Variants in DMXL2 observed in about 807,000 individuals in gnomAD.
DMXL2 encodes the protein Dmx like 2.
In DMXL2, 103 loss-of-function variants were observed where a neutral mutation model predicts 331.1. That is an observed-to-expected ratio of 0.31 (90% confidence interval 0.27 to 0.37). DMXL2 has a LOEUF of 0.37. Ranked by LOEUF, DMXL2 falls within the 10% of genes least tolerant of loss-of-function variation. The probability of loss-of-function intolerance (pLI) is 1.00; values close to 1 mark genes in which losing one functional copy is unlikely to be tolerated. For synonymous variants in DMXL2, 1,281 were observed against 1,252.1 expected (o/e 1.02, Z -0.49); for missense variants, 3,171 against 3,642.9 (o/e 0.87, Z 3.33).
intron 23 of DMXL2, 116 bp from the exon 24 acceptor site, chr15:51,481,739 C>A: frequency 1.1e-6 from 1 of 932,122 alleles, no homozygotes; most frequent in Non-Finnish European, 1.6e-6. Flanking sequence ...TATTAACCTA[C>A]GATAGGTTAC....
intron 1 of DMXL2, among the ~76,000 whole-genome samples, chr15:51,613,215 A>C (rs924673789): frequency 4.6e-5 from 7 of 152,252 alleles, no homozygotes; most frequent in Admixed American, 3.9e-4. Context: ...AAGAGATTAA[A>C]GTAAAGACAG....
At chr15:51,545,812 C>A in intron 7 of DMXL2, 46 bp from the exon 8 acceptor site, 1 of 1,489,752 alleles carries the variant, frequency 6.7e-7, no homozygotes, top group Admixed American at 2.0e-5. Context: ...AATATCAATC[C>A]CATTAACTAA....
chr15:51,520,998 G>A (rs1048556506), intron 13 of DMXL2, among the ~76,000 whole-genome samples: 1 of 152,062 alleles, frequency 6.6e-6, no homozygotes, highest in African/African-American at 2.4e-5. Flanking sequence ...CCTAATTAGT[G>A]ATTTTTAGCA....
chr15:51,497,957 C>A (rs2140478106), intron 18 of DMXL2, among the ~76,000 whole-genome samples: 1 of 152,190 alleles, frequency 6.6e-6, no homozygotes, highest in East Asian at 1.9e-4. Context: ...CTTGGCCAGT[C>A]CATGGTGACT....
chr15:51,459,025 A>T, intron 34 of DMXL2: 1 of 494,056 alleles, frequency 2.0e-6, no homozygotes, highest in Non-Finnish European at 3.6e-6. Context: ...TGTGATGGTA[A>T]GATACTGATT....
chr15:51,498,422 C>T lies in DMXL2; in HGVS notation c.4672+130G>A, dbSNP rs192159158. The T allele has an allele frequency of 4.6e-4, 367 of 801,212 alleles. No individual in the cohort carries two copies. The African/African-American group carries it at 6.1e-3, about 13-fold the overall frequency. The allele number at this position is 801,212 out of a possible 1,614,324, so 49.6% of individuals were successfully genotyped here. A position where few individuals can be genotyped will look rare whatever the true frequency, so the allele number is the denominator to read the frequency against. Reference sequence around the variant, plus strand: ...TGAGCATATTATATAATAGTAATTACCTATTAAGGAGGTCTTTTCCCTGCA... The same window carrying T: ...TGAGCATATTATATAATAGTAATTATCTATTAAGGAGGTCTTTTCCCTGCA... On this transcript the variant is annotated intron_variant, in intron 18 of 43. Coordinates refer to ENST00000560891, the MANE Select transcript of DMXL2 (RefSeq NM_001378457.1).
rs2038821597 is a variant in DMXL2, at chr15:51,447,940, G to A, written c.*1044C>T. On this transcript the variant is annotated 3_prime_UTR_variant, in exon 44 of 44. Coordinates refer to ENST00000560891, the MANE Select transcript of DMXL2 (RefSeq NM_001378457.1). ...ATTAACATGATAAGACAATTTGCTG[G>A]TAAACATTTAAACACACAGACATTA... 6.6e-6 allele frequency: 1 copy of A among 152,560 alleles called. No homozygotes were observed. The highest frequency in any genetic ancestry group is 1.5e-5 in the Non-Finnish European group (1 of 68,036). The allele number at this position is 152,560 out of a possible 1,614,324, so 9.5% of individuals were successfully genotyped here.
chr15:51,463,979 C>G (rs1347034097), intron 32 of DMXL2, among the ~76,000 whole-genome samples: 1 of 151,854 alleles, frequency 6.6e-6, no homozygotes, highest in Non-Finnish European at 1.5e-5. Context: ...CCTAGATTGG[C>G]AGGTAAAAGA....
At position 51,459,676 on chromosome 15, in the gene DMXL2, C is replaced by T; in HGVS notation, c.7927-16G>A. 1 of 1,289,448 alleles carries T rather than the reference C, an allele frequency of 7.8e-7. No homozygotes were observed. Among genetic ancestry groups the T allele is most frequent in the Non-Finnish European group, 1.0e-6 (1 of 988,602 alleles). The allele number at this position is 1,289,448 out of a possible 1,614,324, so 79.9% of individuals were successfully genotyped here. ...CTTCTATAGACTAAATACCACCACA[C>T]CGTCACAAACACAAAACACATGCAT... On this transcript the variant is annotated splice_polypyrimidine_tract_variant and intron_variant, in intron 33 of 43. Coordinates refer to ENST00000560891, the MANE Select transcript of DMXL2 (RefSeq NM_001378457.1).
At chr15:51,537,203 T>C (rs749924145) in intron 11 of DMXL2, among the ~76,000 whole-genome samples, 33 of 152,200 alleles carry the variant, frequency 2.2e-4, no homozygotes, top group Non-Finnish European at 2.9e-4. Context: ...ATTTTCAGGG[T>C]AGTTTCTTAA....
chr15:51,608,117 G>T (rs8023277), intron 1 of DMXL2, among the ~76,000 whole-genome samples: 2 of 151,922 alleles, frequency 1.3e-5, no homozygotes, highest in African/African-American at 4.8e-5. Context: ...CCTGGGAGGC[G>T]GAGGTTGCAG....
chr15:51,523,624 A>G (rs956883215), intron 13 of DMXL2, among the ~76,000 whole-genome samples: 6 of 152,174 alleles, frequency 3.9e-5, no homozygotes, highest in South Asian at 2.1e-4. Context: ...CAAAAAAAGG[A>G]TACGCAGAGA....
chr15:51,502,202 C>T (rs1016162856), intron 17 of DMXL2, among the ~76,000 whole-genome samples: 2 of 146,846 alleles, frequency 1.4e-5, no homozygotes, highest in Non-Finnish European at 3.0e-5. Context: ...CACTGCATTC[C>T]AGCCTGGGCG....
rs761564370 is a variant in DMXL2, at chr15:51,464,715, G to A, written c.7768C>T (p.Arg2590Ter). The change falls in exon 32 of 44, where the codon CGA becomes TGA. Residue 2590 changes from arginine (R) to a stop codon, truncating the protein, a stop_gained. Coordinates refer to ENST00000560891, the MANE Select transcript of DMXL2 (RefSeq NM_001378457.1). LOFTEE classifies it high-confidence loss of function. ...LSVGAGPAIL[R>*]NKAMLEPENT... Reference sequence around the variant, plus strand: ...TCAGGTTCTAGCATTGCTTTATTTCGAAGAATAGCTGGTCCAGCTCCCACT... The same window carrying A: ...TCAGGTTCTAGCATTGCTTTATTTCAAAGAATAGCTGGTCCAGCTCCCACT... 2.5e-6 allele frequency: 4 copies of A among 1,613,992 alleles called. No individual in the cohort carries two copies. The highest frequency in any genetic ancestry group is 2.5e-6 in the Non-Finnish European group (3 of 1,179,962).
chr15:51,508,695 A>G (rs2046565035), intron 15 of DMXL2, among the ~76,000 whole-genome samples: 1 of 152,214 alleles, frequency 6.6e-6, no homozygotes, highest in African/African-American at 2.4e-5. Flanking sequence ...TAGCAGCTAG[A>G]GATAACCAGC....
intron 15 of DMXL2, among the ~76,000 whole-genome samples, chr15:51,513,225 T>C (rs866601637): frequency 2.0e-4 from 30 of 152,302 alleles, no homozygotes; most frequent in African/African-American, 7.0e-4. Context: ...TAAAGAAAAG[T>C]ACCAACTTTA....
At chr15:51,454,978 G>C (rs1014211629) in intron 40 of DMXL2, among the ~76,000 whole-genome samples, 173 bp downstream of exon 40, 5 of 152,090 alleles carry the variant, frequency 3.3e-5, no homozygotes, top group African/African-American at 1.2e-4. Context: ...TTGTTTTTCA[G>C]GTCATTTCAG....
At chr15:51,618,438 T>C (rs1428897691) in intron 1 of DMXL2, among the ~76,000 whole-genome samples, 1 of 152,196 alleles carries the variant, frequency 6.6e-6, no homozygotes. Flanking sequence ...TGAAATTTTA[T>C]TCTACAATAG....
At chr15:51,521,362 T>C (rs1235838011) in intron 13 of DMXL2, among the ~76,000 whole-genome samples, 8 of 151,434 alleles carry the variant, frequency 5.3e-5, no homozygotes, top group African/African-American at 1.9e-4. Context: ...TTAATATATA[T>C]AAAACATTTA....
Sources: allele counts gnomAD v4.1 joint callset (sites outside exome capture counted in the v4.1 genomes callset), GRCh38; gene constraint gnomAD v4.1.1; transcripts MANE v1.5; gene names NCBI Gene and HGNC (gene_info 2026-07-23, HGNC 2026-07-21).